The following VTCN1 variants were observed in gnomAD, a reference collection of about 807,000 sequenced individuals.
VTCN1 encodes the protein V-set domain containing T cell activation inhibitor 1.
Under a neutral mutation model 26.5 loss-of-function variants are expected in VTCN1, and 26 were observed. The ratio of observed to expected loss-of-function variants is 0.98; its 90% CI spans 0.72 to 1.36. The LOEUF (loss-of-function observed/expected upper bound fraction) is 1.36. Among genes scored for constraint, VTCN1 ranks in the 40% most tolerant of loss-of-function variants. VTCN1 has a pLI of 0.00. For missense variants in VTCN1, 298 were observed against 337.7 expected, an observed-to-expected ratio of 0.88 and a Z score of 0.92; for synonymous variants, 116 against 130.7, an observed-to-expected ratio of 0.89 and a Z score of 0.77.
At chr1:117,154,783 CAAAAAAA>C (rs916361996) in intron 3 of VTCN1, among the ~76,000 whole-genome samples, 2 of 39,894 alleles carry the variant, frequency 5.0e-5, no homozygotes, top group Non-Finnish European at 1.1e-4. Context: ...AACTCCATCT[CAAAAAAA>C]AAAAAAAAAA....
intron 4 of VTCN1, 46 bp downstream of exon 4, chr1:117,153,045 T>G (rs1651874260): frequency 6.4e-7 from 1 of 1,559,896 alleles, no homozygotes; most frequent in African/African-American, 1.4e-5. Flanking sequence ...AATTTAGATT[T>G]TACTCTTTCC....
At chr1:117,206,585 C>A (rs111819977) in intron 1 of VTCN1, among the ~76,000 whole-genome samples, 2 of 152,100 alleles carry the variant, frequency 1.3e-5, no homozygotes, top group African/African-American at 4.8e-5. Flanking sequence ...ACATTGCCTC[C>A]CTACAACAAG....
chr1:117,154,655 T>C (rs1460532527), intron 3 of VTCN1, among the ~76,000 whole-genome samples: 1 of 151,696 alleles, frequency 6.6e-6, no homozygotes, highest in African/African-American at 2.4e-5. Flanking sequence ...TGGAGGTGCA[T>C]GCCTGTAATC....
intron 1 of VTCN1, among the ~76,000 whole-genome samples, chr1:117,195,135 G>A (rs548693803): frequency 5.3e-5 from 8 of 151,790 alleles, no homozygotes; most frequent in Admixed American, 1.3e-4. Context: ...GATGGAGGGC[G>A]CCTGTAGTAC....
chr1:117,174,248 A>C (rs1006891224), intron 1 of VTCN1, among the ~76,000 whole-genome samples: 2 of 152,224 alleles, frequency 1.3e-5, no homozygotes, highest in Non-Finnish European at 2.9e-5. Context: ...CCCACTCATT[A>C]CAAAAGGGCC....
At chr1:117,165,976 A>T (rs1283475550) in intron 2 of VTCN1, among the ~76,000 whole-genome samples, 1 of 152,224 alleles carries the variant, frequency 6.6e-6, no homozygotes, top group East Asian at 1.9e-4. Context: ...TGCCCATTTT[A>T]TCCAAATAAC....
intron 1 of VTCN1, among the ~76,000 whole-genome samples, chr1:117,189,178 C>T (rs796306104): frequency 9.2e-5 from 14 of 152,290 alleles, no homozygotes; most frequent in African/African-American, 3.4e-4. Context: ...CCAAACTTTC[C>T]CTTTCCTAGA....
chr1:117,174,239 C>T (rs1052599560), intron 1 of VTCN1, among the ~76,000 whole-genome samples: 3 of 152,030 alleles, frequency 2.0e-5, no homozygotes, highest in Non-Finnish European at 2.9e-5. Context: ...CTTTTGGTAC[C>T]CACTCATTAC....
At chr1:117,186,805 A>G (rs1228846852) in intron 1 of VTCN1, among the ~76,000 whole-genome samples, 1 of 152,140 alleles carries the variant, frequency 6.6e-6, no homozygotes, top group Non-Finnish European at 1.5e-5. Context: ...GGGCGGGAGG[A>G]TTGCTTGAGG....
chr1:117,204,604 C>T (rs544366275), intron 1 of VTCN1, among the ~76,000 whole-genome samples: 4 of 152,084 alleles, frequency 2.6e-5, no homozygotes, highest in African/African-American at 7.2e-5. Context: ...CGGTGGCTCA[C>T]GCCTGTAATC....
intron 2 of VTCN1, among the ~76,000 whole-genome samples, chr1:117,163,686 AACCTGGTC>A: frequency 6.6e-6 from 1 of 152,108 alleles, no homozygotes; most frequent in Non-Finnish European, 1.5e-5. Flanking sequence ...GGTCAAACAC[AACCTGGTC>A]TGGCCCTGAG....
chr1:117,209,602 A>G (rs895151372), intron 1 of VTCN1, among the ~76,000 whole-genome samples: 2 of 152,188 alleles, frequency 1.3e-5, no homozygotes, highest in African/African-American at 4.8e-5. Flanking sequence ...AGCTCCTCTG[A>G]CATAGGTGCT....
intron 1 of VTCN1, among the ~76,000 whole-genome samples, chr1:117,205,314 C>T (rs1002476979): frequency 2.0e-5 from 3 of 151,864 alleles, no homozygotes; most frequent in African/African-American, 4.8e-5. Context: ...ACCACCACAC[C>T]TTGTTGATTT....
At chr1:117,172,076 C>G (rs1432270973) in intron 1 of VTCN1, among the ~76,000 whole-genome samples, 5 of 152,180 alleles carry the variant, frequency 3.3e-5, no homozygotes, top group Non-Finnish European at 5.9e-5. Context: ...CTCAGCCGCC[C>G]GCTCACACGG....
intron 1 of VTCN1, among the ~76,000 whole-genome samples, chr1:117,206,843 G>A (rs1224856816): frequency 6.6e-6 from 1 of 152,128 alleles, no homozygotes; most frequent in Non-Finnish European, 1.5e-5. Context: ...ACCCTCAATA[G>A]GAGCAGGAAC....
intron 1 of VTCN1, among the ~76,000 whole-genome samples, chr1:117,189,948 ACAAG>A (rs1312257984): frequency 1.3e-5 from 2 of 152,214 alleles, no homozygotes; most frequent in African/African-American, 2.4e-5. Context: ...CTCACCCACC[ACAAG>A]CTACAGATCC....
chr1:117,205,643 C>T (rs1649020383), intron 1 of VTCN1, among the ~76,000 whole-genome samples: 1 of 152,078 alleles, frequency 6.6e-6, no homozygotes, highest in Admixed American at 6.5e-5. Flanking sequence ...TGTGTTTTTG[C>T]CAGTGATGAA....
At chr1:117,171,009 A>ATT in intron 1 of VTCN1, among the ~76,000 whole-genome samples, 1 of 69,354 alleles carries the variant, frequency 1.4e-5, no homozygotes, top group African/African-American at 5.8e-5. Flanking sequence ...CCTTGCCCCC[A>ATT]GCCCCCCTGA....
At chr1:117,163,053 T>G (rs1253586803) in intron 2 of VTCN1, among the ~76,000 whole-genome samples, 1 of 152,226 alleles carries the variant, frequency 6.6e-6, no homozygotes, top group Non-Finnish European at 1.5e-5. Context: ...AGTACATGGC[T>G]TACAAGGTCG....
Sources: allele counts gnomAD v4.1 joint callset (sites outside exome capture counted in the v4.1 genomes callset), GRCh38; gene constraint gnomAD v4.1.1; transcripts MANE v1.5; gene names NCBI Gene and HGNC (gene_info 2026-07-23, HGNC 2026-07-21).